SLC12A7: variants seen among roughly 807,000 people sequenced by gnomAD.
SLC12A7 encodes the protein solute carrier family 12 member 7, also known as K-Cl cotransporter 4.
In SLC12A7, 100 loss-of-function variants were observed where a neutral mutation model predicts 120.6. The ratio of observed to expected loss-of-function variants is 0.83; its 90% CI spans 0.71 to 0.98. The LOEUF (loss-of-function observed/expected upper bound fraction) is 0.98, where lower values mean the gene tolerates loss of function less well. Among genes scored for constraint, SLC12A7 ranks in the 50% least tolerant of loss-of-function variants. SLC12A7 has a pLI of 0.00. For synonymous variants in SLC12A7, 760 were observed against 678.0 expected, an observed-to-expected ratio of 1.12 and a Z score of -1.88; for missense variants, 1,373 against 1,548.1, an observed-to-expected ratio of 0.89 and a Z score of 1.90.
At chr5:1,056,984 TCCATGGAACAGAC>T (rs1735690138) in intron 22 of SLC12A7, among the ~76,000 whole-genome samples, 2 of 152,178 alleles carry the variant, frequency 1.3e-5, no homozygotes, top group South Asian at 4.1e-4. Context: ...CCTCCTCGCC[TCCATGGAACAGAC>T]CCATCTGCCT....
At chr5:1,072,596 GC>G (rs11313740) in intron 17 of SLC12A7, among the ~76,000 whole-genome samples, 226 of 842 alleles carry the variant, frequency 0.27, 24 homozygotes, top group Non-Finnish European at 0.47. Flanking sequence ...CACTTATGCA[GC>G]CCCCAGTGAG....
At chr5:1,131,464 T>C in the SLC12A7 span, among the ~76,000 whole-genome samples, 1 of 152,212 alleles carries the variant, frequency 6.6e-6, no homozygotes, top group East Asian at 1.9e-4. Flanking sequence ...GGCACAGTCC[T>C]GCACGGCCGC....
intron 1 of SLC12A7, among the ~76,000 whole-genome samples, chr5:1,106,876 T>C (rs1742569805): frequency 6.6e-6 from 1 of 152,186 alleles, no homozygotes; most frequent in South Asian, 2.1e-4. Context: ...GTGATGAAAC[T>C]CACACTGACG....
intron 20 of SLC12A7, among the ~76,000 whole-genome samples, chr5:1,061,041 ATCC>A (rs1736158808): frequency 1.5e-5 from 2 of 130,854 alleles, no homozygotes; most frequent in African/African-American, 6.3e-5. Flanking sequence ...GCCGTGCGGG[ATCC>A]CTGAGTCTCA....
At chr5:1,108,561 C>A (rs1742741374) in intron 1 of SLC12A7, among the ~76,000 whole-genome samples, 1 of 152,146 alleles carries the variant, frequency 6.6e-6, no homozygotes, top group African/African-American at 2.4e-5. Flanking sequence ...CTCCTGAAAT[C>A]TGGGCACAAC....
the SLC12A7 span, among the ~76,000 whole-genome samples, chr5:1,137,271 C>G: frequency 3.1e-4 from 47 of 152,310 alleles, no homozygotes; most frequent in Non-Finnish European, 5.9e-4. Flanking sequence ...TCCGGAGCCA[C>G]TTCCTGCGTA....
At chr5:1,143,981 C>G in the SLC12A7 span, among the ~76,000 whole-genome samples, 16,643 of 149,256 alleles carry the variant, frequency 0.11, 1,414 homozygotes, top group Non-Finnish European at 0.16. Flanking sequence ...TCTTGGGCAC[C>G]CTGCCCTCCT....
the SLC12A7 span, among the ~76,000 whole-genome samples, chr5:1,146,461 G>T: frequency 1.3e-5 from 2 of 152,172 alleles, no homozygotes; most frequent in African/African-American, 4.8e-5. The surrounding 1 kb of genome is among the most constrained non-coding windows in gnomAD (Gnocchi z 6.5). Flanking sequence ...CATCTCTGCA[G>T]TGTAAACAAA....
chr5:1,070,104 C>T (rs1460612522), intron 17 of SLC12A7, among the ~76,000 whole-genome samples: 1 of 33,932 alleles, frequency 2.9e-5, no homozygotes, highest in African/African-American at 2.5e-4. Flanking sequence ...CAGTGAGCCC[C>T]CAGCACACGG....
chr5:1,147,250 A>AC, the SLC12A7 span, among the ~76,000 whole-genome samples: 24 of 108,786 alleles, frequency 2.2e-4, no homozygotes, highest in Middle Eastern at 4.7e-3. Context: ...CCACCCCGCC[A>AC]CCCCCCCCGC....
the SLC12A7 span, among the ~76,000 whole-genome samples, chr5:1,136,843 A>G: frequency 1.0e-3 from 127 of 125,566 alleles, no homozygotes; most frequent in African/African-American, 2.9e-3. Flanking sequence ...AGGCACACAT[A>G]TGCTCAAACA....
At chr5:1,086,176 G>A (rs1360847756) in intron 6 of SLC12A7, among the ~76,000 whole-genome samples, 1 of 152,172 alleles carries the variant, frequency 6.6e-6, no homozygotes, top group African/African-American at 2.4e-5. Flanking sequence ...CGACCCCACT[G>A]AAAGGTTTCA....
chr5:1,088,605 A>T (rs1740149292), intron 4 of SLC12A7, among the ~76,000 whole-genome samples: 1 of 152,084 alleles, frequency 6.6e-6, no homozygotes, highest in African/African-American at 2.4e-5. Flanking sequence ...GGTCCTTCCA[A>T]ACTGGAGGTG....
intron 11 of SLC12A7, 105 bp downstream of exon 11, chr5:1,078,596 G>C: frequency 1.1e-6 from 1 of 921,946 alleles, no homozygotes; most frequent in Middle Eastern, 2.1e-4. Flanking sequence ...AGCTCTGCAC[G>C]CGGACATGAA....
chr5:1,087,141 G>T, intron 5 of SLC12A7, 108 bp from the exon 6 acceptor site: 1 of 1,406,658 alleles, frequency 7.1e-7, no homozygotes. Context: ...TCTCTGCGAA[G>T]GCAGCGTGTA....
chr5:1,155,185 G>A, the SLC12A7 span, among the ~76,000 whole-genome samples: 1 of 151,026 alleles, frequency 6.6e-6, no homozygotes, highest in African/African-American at 2.4e-5. Context: ...CCGCAGGGAC[G>A]AACCCCCACT....
intron 8 of SLC12A7, among the ~76,000 whole-genome samples, chr5:1,082,870 A>G (rs1394447916): frequency 6.8e-6 from 1 of 146,370 alleles, no homozygotes; most frequent in Non-Finnish European, 1.5e-5. Context: ...GGGTTCTGGA[A>G]AGTCCAGGCT....
At chr5:1,101,045 C>T (rs773610798) in intron 1 of SLC12A7, among the ~76,000 whole-genome samples, 3 of 152,210 alleles carry the variant, frequency 2.0e-5, no homozygotes, top group Non-Finnish European at 4.4e-5. Context: ...CCTGCTCCGT[C>T]CATCCCAACA....
rs768490511 is a variant in SLC12A7, at chr5:1,089,099, G to A, written c.372C>T (p.Val124=). 6.2e-7 allele frequency: 1 copy of A among 1,612,862 alleles called. No homozygotes were observed. The highest frequency in any genetic ancestry group is 2.2e-5 in the East Asian group (1 of 44,888). Residue 124 remains valine (V), a synonymous_variant, in exon 4 of 24, where the codon GTC becomes GTT. Coordinates refer to ENST00000264930, the MANE Select transcript of SLC12A7 (RefSeq NM_006598.3). The part of the protein sequence containing the change: ...KAPRMGTFIG[V]YLPCLQNILG... ...GGATGTTCTGCAGGCACGGCAGGTA[G>A]ACGCCGATGAAGGTGCCCATGCGCG...
Sources: gnomAD v4.1 joint callset for allele counts (sites outside exome capture counted in the v4.1 genomes callset) on GRCh38, gnomAD v4.1.1 for gene constraint, Gnocchi (gnomAD v3.1) non-coding constraint, MANE v1.5 for transcripts, NCBI Gene and HGNC (gene_info 2026-07-23, HGNC 2026-07-21) for gene names.